The following ATP9B variants were observed in gnomAD, a reference collection of about 807,000 sequenced individuals.
ATP9B encodes the protein probable phospholipid-transporting ATPase IIB.
Under a neutral mutation model 146.1 loss-of-function variants are expected in ATP9B, and 110 were observed. The ratio of observed to expected loss-of-function variants is 0.75; its 90% CI spans 0.65 to 0.88. The LOEUF is 0.88. Among genes scored for constraint, ATP9B ranks in the 40% least tolerant of loss-of-function variants. The pLI, the probability that ATP9B is intolerant of heterozygous loss-of-function variation, is 0.00. For missense variants in ATP9B, 1,499 were observed against 1,496.4 expected (o/e 1.00, Z -0.03); for synonymous variants, 604 against 569.7 (o/e 1.06, Z -0.86).
intron 8 of ATP9B, among the ~76,000 whole-genome samples, chr18:79,182,166 G>C (rs1383354092): frequency 6.6e-6 from 1 of 152,150 alleles, no homozygotes; most frequent in Admixed American, 6.5e-5. Context: ...GCATGATCCT[G>C]CTGGGATCCT....
intron 11 of ATP9B, among the ~76,000 whole-genome samples, chr18:79,240,335 G>T (rs1222709637): frequency 6.6e-6 from 1 of 152,192 alleles, no homozygotes; most frequent in African/African-American, 2.4e-5. Context: ...AGAAAATTCA[G>T]CCTGTTTTAT....
At chr18:79,234,675 G>C (rs1044225220) in intron 11 of ATP9B, among the ~76,000 whole-genome samples, 43 of 151,046 alleles carry the variant, frequency 2.8e-4, no homozygotes, top group African/African-American at 8.5e-4. Flanking sequence ...GCTCCTGTGG[G>C]TGTGCTGCTG....
intron 1 of ATP9B, chr18:79,086,461 A>AAG (rs1568387119): frequency 1.4e-5 from 2 of 146,158 alleles, no homozygotes; most frequent in Non-Finnish European, 3.0e-5. Flanking sequence ...AAAAAGATAA[A>AAG]ATCTCAAGTT....
chr18:79,374,502 G>A (rs12605478), intron 28 of ATP9B, among the ~76,000 whole-genome samples: 31 of 92,360 alleles, frequency 3.4e-4, no homozygotes, highest in East Asian at 2.7e-3. Flanking sequence ...GCTGAGCCCC[G>A]TCGGTCACTG....
intron 2 of ATP9B, among the ~76,000 whole-genome samples, chr18:79,097,873 G>C (rs1451311805): frequency 6.7e-6 from 1 of 150,108 alleles, no homozygotes; most frequent in Non-Finnish European, 1.5e-5. Flanking sequence ...ATGATTTATA[G>C]TCATTTGGGT....
At chr18:79,233,993 TGAG>T (rs1568459293) in intron 11 of ATP9B, among the ~76,000 whole-genome samples, 1 of 152,126 alleles carries the variant, frequency 6.6e-6, no homozygotes, top group Admixed American at 6.5e-5. Context: ...TTGAGTAGGC[TGAG>T]GAGGAGGAGG....
intron 7 of ATP9B, among the ~76,000 whole-genome samples, chr18:79,159,051 ATAAACTGTCTT>A (rs2094837910): frequency 6.6e-6 from 1 of 152,210 alleles, no homozygotes; most frequent in African/African-American, 2.4e-5. Context: ...TTTTATCATT[ATAAACTGTCTT>A]CAGCCATGCA....
At chr18:79,329,325 A>T (rs764534267) in intron 16 of ATP9B, 23 bp downstream of exon 16, 17 of 1,560,114 alleles carry the variant, frequency 1.1e-5, no homozygotes, top group Non-Finnish European at 1.4e-5. Context: ...GGAGGGTGCC[A>T]CGCGATGGCT....
rs200713503 is a variant in ATP9B, at chr18:79,113,295, T to A, written c.499T>A (p.Cys167Ser). ...FLNLYFLVISCSQFVPALKIG... is the reference protein window; with the variant it reads ...FLNLYFLVISSSQFVPALKIG... ...GAATCTCTATTTTCTAGTAATATCC[T>A]GCTCACAGTTTGTACCAGCATTGAA... Residue 167 changes from cysteine (C) to serine (S), a missense_variant, in exon 4 of 30, where the codon TGC (cysteine) becomes AGC (serine). Cys to Ser is a moderately radical substitution (Grantham distance 112, BLOSUM62 -1). Transcript: ENST00000426216. 23 of 1,602,688 alleles carry A rather than the reference T, an allele frequency of 1.4e-5. No homozygotes were observed. The African/African-American group carries it at 2.3e-4, about 16-fold the overall frequency.
chr18:79,331,626 G>A (rs1406313794), intron 17 of ATP9B, among the ~76,000 whole-genome samples: 1 of 152,054 alleles, frequency 6.6e-6, no homozygotes, highest in Admixed American at 6.5e-5. Context: ...AAATGAGGCA[G>A]CAGATTCTTC....
rs1012677353 is a variant in ATP9B, at chr18:79,324,585, G to A, written c.1774-4556G>A. ...AGTTCTTCAGCCAGCGCTGTGGGCT[G>A]AGACCAGACCCTGCCCCACATCCCA... is the stretch of plus-strand genomic sequence containing the variant. On this transcript the variant is annotated intron_variant, in intron 15 of 29. Coordinates refer to ENST00000426216, the MANE Select transcript of ATP9B (RefSeq NM_198531.5). Among the ~76,000 whole-genome samples, 12 of 152,124 alleles carry A rather than the reference G, an allele frequency of 7.9e-5. No individual in the cohort carries two copies. The South Asian group carries it at 1.2e-3, about 16-fold the overall frequency.
intron 15 of ATP9B, among the ~76,000 whole-genome samples, chr18:79,327,014 C>T (rs1009332690): frequency 3.3e-5 from 5 of 152,182 alleles, no homozygotes; most frequent in African/African-American, 9.7e-5. Context: ...GCCCAGGGTT[C>T]GGTCCTAACC....
rs138059333 is a variant in ATP9B at position 79,261,552 on chromosome 18, C to T, written c.1268+8011C>T. The stretch of plus-strand genomic sequence containing the variant: ...GCAGCCCACCTCCACCCTCCACACC[C>T]CACCACCCCCGACCAGTCCAGGAGG... On this transcript the variant is annotated intron_variant, in intron 12 of 29. Transcript: ENST00000426216. 4.8e-4 allele frequency among the ~76,000 whole-genome samples: 73 copies of T among 152,188 alleles called. 1 individual carries two copies. The highest frequency in any genetic ancestry group is 7.4e-4 in the Non-Finnish European group (50 of 68,006).
At chr18:79,181,494 C>G (rs1445510909) in intron 8 of ATP9B, among the ~76,000 whole-genome samples, 1 of 152,098 alleles carries the variant, frequency 6.6e-6, no homozygotes, top group Non-Finnish European at 1.5e-5. Flanking sequence ...GTAAATTAGT[C>G]TAACTACTCA....
At chr18:79,290,348 C>G (rs548781853) in intron 13 of ATP9B, among the ~76,000 whole-genome samples, 3 of 152,216 alleles carry the variant, frequency 2.0e-5, no homozygotes, top group South Asian at 2.1e-4. Flanking sequence ...GCCTTGCTGC[C>G]GCCTTGCAGT....
At chr18:79,235,811 T>C (rs925222049) in intron 11 of ATP9B, among the ~76,000 whole-genome samples, 2 of 151,684 alleles carry the variant, frequency 1.3e-5, no homozygotes, top group Non-Finnish European at 2.9e-5. Flanking sequence ...ATATGTGAAG[T>C]TTCCCATCGT....
At chr18:79,073,297 T>C (rs2072175524) in intron 1 of ATP9B, among the ~76,000 whole-genome samples, 1 of 152,056 alleles carries the variant, frequency 6.6e-6, no homozygotes. Flanking sequence ...GTGGAGGTTG[T>C]AGCGAGCCGA....
At chr18:79,226,737 A>T (rs1235513480) in intron 11 of ATP9B, among the ~76,000 whole-genome samples, 1 of 152,202 alleles carries the variant, frequency 6.6e-6, no homozygotes, top group African/African-American at 2.4e-5. Context: ...AATAACACAC[A>T]GTTTGTGTGG....
chr18:79,324,264 A>G (rs1219370546), intron 15 of ATP9B, among the ~76,000 whole-genome samples: 1 of 151,372 alleles, frequency 6.6e-6, no homozygotes, highest in Non-Finnish European at 1.5e-5. Flanking sequence ...TTTTCTCTTC[A>G]CTTTGTTGAT....
Sources: gnomAD v4.1 joint callset for allele counts (sites outside exome capture counted in the v4.1 genomes callset) on GRCh38, gnomAD v4.1.1 for gene constraint, MANE v1.5 for transcripts, NCBI Gene and HGNC (gene_info 2026-07-23, HGNC 2026-07-21) for gene names.